NUP43: variants seen among roughly 807,000 people sequenced by gnomAD.
NUP43 encodes nucleoporin Nup43.
In NUP43, 32 loss-of-function variants were observed where a neutral mutation model predicts 47.3. That is an observed-to-expected ratio of 0.68 (90% CI 0.51 to 0.91). The LOEUF (loss-of-function observed/expected upper bound fraction) is 0.91, where lower values mean the gene tolerates loss of function less well. Ranked by LOEUF, NUP43 falls within the 40% of genes least tolerant of loss-of-function variation. The pLI is 0.00. For synonymous variants in NUP43, 147 were observed against 158.4 expected (o/e 0.93, Z 0.54); for missense variants, 444 against 453.9 (o/e 0.98, Z 0.20).
At chr6:149,727,525 A>G in intron 7 of NUP43, 1 of 984,198 alleles carries the variant, frequency 1.0e-6, no homozygotes, top group Non-Finnish European at 1.2e-6. Flanking sequence ...TTGAATAAGG[A>G]AAGAAAAAAA....
chr6:149,740,149 A>C (rs894689044), intron 4 of NUP43, among the ~76,000 whole-genome samples: 4 of 151,874 alleles, frequency 2.6e-5, no homozygotes, highest in Non-Finnish European at 5.9e-5. Context: ...GGTGGTGTGC[A>C]TCTGTAGTCC....
At chr6:149,748,422 G>A (rs1251947038), upstream of NUP43, among the ~76,000 whole-genome samples, 2 of 152,212 alleles carry the variant, frequency 1.3e-5, no homozygotes, top group African/African-American at 2.4e-5. Flanking sequence ...TTGGAAGCAG[G>A]CCAGTGTCAC....
chr6:149,729,519 CT>C, intron 7 of NUP43: 1 of 984,910 alleles, frequency 1.0e-6, no homozygotes, highest in Middle Eastern at 5.2e-4. Flanking sequence ...GCCTTTTCTC[CT>C]AATTCAGAAC....
At chr6:149,735,609 A>C (rs1389658849) in intron 6 of NUP43, among the ~76,000 whole-genome samples, 1 of 150,318 alleles carries the variant, frequency 6.7e-6, no homozygotes, top group Non-Finnish European at 1.5e-5. Flanking sequence ...AAAAAAAAAA[A>C]AAAAAAAAAA....
intron 7 of NUP43, chr6:149,727,870 C>T (rs1219614304): frequency 2.0e-6 from 2 of 985,102 alleles, no homozygotes; most frequent in African/African-American, 3.5e-5. Context: ...ACTTACTTTC[C>T]TCTCAACTTG....
Position 149,727,024 on chromosome 6 carries a change from A to G in NUP43, c.1088T>C (p.Leu363Pro). Residue 363 changes from leucine to proline, a missense_variant, in exon 8 of 8, where the codon CTT (leucine) becomes CCT (proline). Physicochemically the swap from Leu to Pro is moderately conservative, Grantham distance 98. Transcript: ENST00000340413. ...TGCTTCTGCATCGGTTCCACAAACA[A>G]GACAAGGACCTAAAACATCCAAAGT... The part of the protein sequence containing the change: ...VNTLDVLGPC[L>P]VCGTDAEAIY... 1 of 1,614,142 alleles carries G rather than the reference A, an allele frequency of 6.2e-7. No individual in the cohort carries two copies. Among genetic ancestry groups the G allele is most frequent in the Admixed American group, 1.7e-5 (1 of 60,014 alleles).
chr6:149,741,608 T>C (rs950374046), intron 4 of NUP43, among the ~76,000 whole-genome samples: 18 of 150,974 alleles, frequency 1.2e-4, no homozygotes, highest in African/African-American at 4.1e-4. Flanking sequence ...CGGGTTTAAG[T>C]GATTCTCCTG....
intron 5 of NUP43, among the ~76,000 whole-genome samples, 175 bp from the exon 6 acceptor site, chr6:149,736,797 T>C (rs1785384040): frequency 1.3e-5 from 2 of 152,182 alleles, no homozygotes; most frequent in South Asian, 4.1e-4. Context: ...TCAGGTATCC[T>C]CCCACCTCAG....
intron 7 of NUP43, chr6:149,729,666 T>C (rs1428755587): frequency 4.2e-5 from 11 of 261,214 alleles, no homozygotes; most frequent in Non-Finnish European, 4.2e-5. Context: ...TTCTAACACA[T>C]GTGAGACCAA....
chr6:149,743,090 T>G (rs1785750718), intron 3 of NUP43, among the ~76,000 whole-genome samples: 1 of 150,052 alleles, frequency 6.7e-6, no homozygotes, highest in South Asian at 2.1e-4. Flanking sequence ...GTGTGAGAAT[T>G]GCTTGAACCA....
In NUP43 at chr6:149,727,059, C is replaced by T. The variant is rs1266343122; in HGVS notation, c.1053G>A (p.Leu351=). The change falls in exon 8 of 8, where the codon CTG becomes CTA. Residue 351 remains leucine, a synonymous_variant. Coordinates refer to ENST00000340413, the MANE Select transcript of NUP43 (RefSeq NM_198887.3). ...CTAAAACATCCAAAGTGTTCACAGACAGAGACCTACTGGGAAGTAAGCTTG... is the reference window on the plus strand; with the variant it reads ...CTAAAACATCCAAAGTGTTCACAGATAGAGACCTACTGGGAAGTAAGCTTG... ...EITSLLPSRS[L]SVNTLDVLGP... 6.2e-7 allele frequency: 1 copy of T among 1,614,024 alleles called. No homozygotes were observed. The highest frequency in any genetic ancestry group is 1.3e-5 in the African/African-American group (1 of 74,928).
chr6:149,735,223 T>C (rs1007545657), intron 6 of NUP43, among the ~76,000 whole-genome samples: 3 of 152,014 alleles, frequency 2.0e-5, no homozygotes, highest in African/African-American at 7.3e-5. Flanking sequence ...TGGATTAAAC[T>C]AGTATTATTA....
At position 149,746,386 on chromosome 6, in the gene NUP43, C is replaced by G. The variant is rs1339914714; in HGVS notation, c.110G>C (p.Trp37Ser). The G allele has an allele frequency of 1.2e-6, 2 of 1,614,130 alleles. No individual in the cohort carries two copies. The highest frequency in any genetic ancestry group is 1.1e-5 in the South Asian group (1 of 91,078). The part of the protein sequence containing the change: ...QTAETFATGS[W>S]DNEENYISLW... Reference sequence around the variant, plus strand: ...TATCAGCGGCGATACCTCATTGTCCCAAGATCCTGTAGCGAACGTCTCCGC... The same window carrying G: ...TATCAGCGGCGATACCTCATTGTCCGAAGATCCTGTAGCGAACGTCTCCGC... Residue 37 changes from tryptophan (W) to serine (S), a missense_variant, in exon 1 of 8, where the codon TGG (tryptophan) becomes TCG (serine). Physicochemically the swap from Trp to Ser is radical, Grantham distance 177. Transcript: ENST00000340413.
Position 149,726,601 on chromosome 6 carries a change from G to T in NUP43, c.*368C>A, listed in dbSNP as rs1784799939. On this transcript the variant is annotated 3_prime_UTR_variant, in exon 8 of 8. Coordinates refer to ENST00000340413, the MANE Select transcript of NUP43 (RefSeq NM_198887.3). ...ATGCCACATACTACTGATAAAAATT[G>T]TAGGAACCCATTGGTAGTTCCCATA... 3.9e-6 allele frequency: 1 copy of T among 254,976 alleles called. No individual in the cohort carries two copies. Among genetic ancestry groups the T allele is most frequent in the Non-Finnish European group, 7.7e-6 (1 of 129,350 alleles). 15.8% of individuals were successfully genotyped at this position (254,976 alleles called of 1,614,324 possible).
At chr6:149,729,566 G>C (rs1334807392) in intron 7 of NUP43, 1 of 976,346 alleles carries the variant, frequency 1.0e-6, no homozygotes, top group Non-Finnish European at 1.2e-6. Flanking sequence ...CAAGTAGCAG[G>C]GGTACTAACA....
chr6:149,741,784 C>A (rs1312621972), intron 4 of NUP43, among the ~76,000 whole-genome samples: 1 of 152,150 alleles, frequency 6.6e-6, no homozygotes, highest in Non-Finnish European at 1.5e-5. Context: ...GGGTAACAGG[C>A]ATGAGCCACC....
upstream of NUP43, chr6:149,746,585 G>C: frequency 6.2e-7 from 1 of 1,611,134 alleles, no homozygotes; most frequent in Non-Finnish European, 8.5e-7. Flanking sequence ...TGATTGGATG[G>C]GACTTTAGGA....
rs1785046555 is a variant in NUP43, at chr6:149,731,593, T to C, written c.913+20A>G. On this transcript the variant is annotated intron_variant, in intron 7 of 7. Coordinates refer to ENST00000340413, the MANE Select transcript of NUP43 (RefSeq NM_198887.3). ...AAAAAAAAAAAAGTACACATAACAG[T>C]ATTCATTAAAAAGTTTTACCTTGGT... 1 of 1,589,856 alleles carries C rather than the reference T, an allele frequency of 6.3e-7. No homozygotes were observed.
rs1784806325 is a variant in NUP43, at chr6:149,726,734, C to A, written c.*235G>T. 1 of 523,890 alleles carries A rather than the reference C, an allele frequency of 1.9e-6. No individual in the cohort carries two copies. The highest frequency in any genetic ancestry group is 1.9e-5 in the African/African-American group (1 of 52,570). The allele number at this position is 523,890 out of a possible 1,614,324, so 32.5% of individuals were successfully genotyped here. On this transcript the variant is annotated 3_prime_UTR_variant, in exon 8 of 8. Coordinates refer to ENST00000340413, the MANE Select transcript of NUP43 (RefSeq NM_198887.3). ...CAACCTATTCATCAGCACCAGAATCCCACTGATTTTCTTCCACATGTTCAC... is the reference window on the plus strand; with the variant it reads ...CAACCTATTCATCAGCACCAGAATCACACTGATTTTCTTCCACATGTTCAC...
Sources: allele counts gnomAD v4.1 joint callset (sites outside exome capture counted in the v4.1 genomes callset), GRCh38; gene constraint gnomAD v4.1.1; transcripts MANE v1.5; gene names NCBI Gene and HGNC (gene_info 2026-07-23, HGNC 2026-07-21).